The following YAP1 variants were observed in gnomAD, a reference collection of about 807,000 sequenced individuals.
YAP1 encodes the protein transcriptional coactivator YAP1.
YAP1 carries 5 observed loss-of-function variants against 56.9 expected under a neutral mutation model. The observed-to-expected ratio is 0.09, with a 90% CI of 0.05 to 0.18. The LOEUF (loss-of-function observed/expected upper bound fraction) is 0.18, where lower values mean the gene tolerates loss of function less well. YAP1 is among the 10% of genes least tolerant of loss of function. The pLI is 1.00. For missense variants in YAP1, 539 were observed against 651.8 expected (o/e 0.83, Z 1.88); for synonymous variants, 265 against 248.1 (o/e 1.07, Z -0.64).
intron 3 of YAP1, among the ~76,000 whole-genome samples, chr11:102,177,682 A>G (rs937157912): frequency 2.6e-5 from 4 of 151,886 alleles, no homozygotes; most frequent in Non-Finnish European, 5.9e-5. Context: ...TCTCAAAAAA[A>G]AAAAAAAAAA....
Position 102,114,272 on chromosome 11 carries a change from C to A in YAP1, c.450C>A (p.Gly150=). ...GTLTPTGVVS[G]PAATPTAQHL... The stretch of plus-strand genomic sequence containing the variant: ...TGACCCCCACTGGAGTAGTCTCTGG[C>A]CCAGCAGCTACACCCACAGCTCAGC... Residue 150 remains glycine, a synonymous_variant, in exon 2 of 9, where the codon GGC becomes GGA. Coordinates refer to ENST00000282441, the MANE Select transcript of YAP1 (RefSeq NM_001130145.3). 1 of 1,614,168 alleles carries A rather than the reference C, an allele frequency of 6.2e-7. No individual in the cohort carries two copies. Among genetic ancestry groups the A allele is most frequent in the East Asian group, 2.2e-5 (1 of 44,888 alleles).
intron 5 of YAP1, among the ~76,000 whole-genome samples, chr11:102,207,855 G>T (rs1949200651): frequency 6.6e-6 from 1 of 152,188 alleles, no homozygotes; most frequent in African/African-American, 2.4e-5. Context: ...ACGATGTCAG[G>T]AACTTGTTGG....
intron 2 of YAP1, among the ~76,000 whole-genome samples, chr11:102,127,880 G>C (rs1272152149): frequency 6.6e-6 from 1 of 152,172 alleles, no homozygotes; most frequent in Non-Finnish European, 1.5e-5. Flanking sequence ...GGAGTCACAG[G>C]AGATCATTTT....
At chr11:102,135,909 T>G (rs531106721) in intron 2 of YAP1, among the ~76,000 whole-genome samples, 1 of 152,368 alleles carries the variant, frequency 6.6e-6, no homozygotes, top group South Asian at 2.1e-4. Flanking sequence ...TATATTTTCA[T>G]AGCTGTGTGG....
At chr11:102,221,053 A>G (rs1306995231) in intron 6 of YAP1, among the ~76,000 whole-genome samples, 4 of 152,140 alleles carry the variant, frequency 2.6e-5, no homozygotes, top group East Asian at 3.8e-4. Flanking sequence ...TGGAGTGGAG[A>G]TGAAGGTCAC....
chr11:102,228,527 C>T (rs1487443001), intron 8 of YAP1, among the ~76,000 whole-genome samples: 1 of 147,902 alleles, frequency 6.8e-6, no homozygotes, highest in Non-Finnish European at 1.5e-5. Flanking sequence ...CCCAGCTACT[C>T]GGGAGACTGA....
intron 4 of YAP1, among the ~76,000 whole-genome samples, chr11:102,202,690 C>T (rs1948933551): frequency 1.3e-5 from 2 of 152,148 alleles, no homozygotes; most frequent in African/African-American, 4.8e-5. Context: ...ATGATACCAT[C>T]ATTTTGTAAC....
chr11:102,203,254 C>T (rs1238255700), intron 4 of YAP1, among the ~76,000 whole-genome samples: 3 of 152,120 alleles, frequency 2.0e-5, no homozygotes, highest in Non-Finnish European at 4.4e-5. Flanking sequence ...AACCACAGAA[C>T]CATGTTATTA....
chr11:102,178,161 G>C (rs547603187), intron 3 of YAP1, among the ~76,000 whole-genome samples: 20 of 152,278 alleles, frequency 1.3e-4, no homozygotes, highest in African/African-American at 4.3e-4. Flanking sequence ...CGTGTACATA[G>C]TAAGAACAGT....
intron 2 of YAP1, among the ~76,000 whole-genome samples, chr11:102,135,727 G>A (rs964078522): frequency 6.6e-6 from 1 of 152,082 alleles, no homozygotes; most frequent in Non-Finnish European, 1.5e-5. Context: ...TTCAATGGGA[G>A]GAATAGTAAA....
chr11:102,208,775 A>G (rs1949247992), intron 5 of YAP1, among the ~76,000 whole-genome samples: 1 of 152,222 alleles, frequency 6.6e-6, no homozygotes, highest in Non-Finnish European at 1.5e-5. Context: ...AGAAACTAAA[A>G]AAAAAGTTCT....
chr11:102,216,761 T>C (rs1189579138), intron 6 of YAP1, among the ~76,000 whole-genome samples: 1 of 152,236 alleles, frequency 6.6e-6, no homozygotes, highest in Non-Finnish European at 1.5e-5. Flanking sequence ...TTTGTTAAAC[T>C]TCTGTTTTCC....
At chr11:102,196,613 T>C (rs1414695094) in intron 4 of YAP1, among the ~76,000 whole-genome samples, 1 of 151,410 alleles carries the variant, frequency 6.6e-6, no homozygotes, top group Non-Finnish European at 1.5e-5. Context: ...TTTGTTTGTT[T>C]TTGTTTTTGT....
At chr11:102,115,991 C>G (rs1265794485) in intron 2 of YAP1, among the ~76,000 whole-genome samples, 1 of 152,188 alleles carries the variant, frequency 6.6e-6, no homozygotes, top group Non-Finnish European at 1.5e-5. Context: ...CATTTATGCT[C>G]TTCTTCTTAG....
intron 7 of YAP1, among the ~76,000 whole-genome samples, 173 bp downstream of exon 7, chr11:102,223,925 C>G (rs949248561): frequency 2.6e-5 from 4 of 152,192 alleles, no homozygotes; most frequent in African/African-American, 4.8e-5. Context: ...TAAAAGTTGT[C>G]TCCTGTGAGA....
intron 3 of YAP1, among the ~76,000 whole-genome samples, chr11:102,182,692 A>T (rs1223187483): frequency 6.6e-6 from 1 of 152,170 alleles, no homozygotes; most frequent in Non-Finnish European, 1.5e-5. Context: ...TATGACAAAG[A>T]TAGTGTGGTG....
chr11:102,210,844 C>A (rs1949371623), intron 6 of YAP1, among the ~76,000 whole-genome samples: 1 of 151,444 alleles, frequency 6.6e-6, no homozygotes, highest in African/African-American at 2.4e-5. Flanking sequence ...GCTCCGCCTT[C>A]CGGGTTCACA....
chr11:102,121,585 C>T (rs1162743918), intron 2 of YAP1, among the ~76,000 whole-genome samples: 1 of 152,128 alleles, frequency 6.6e-6, no homozygotes, highest in Non-Finnish European at 1.5e-5. Flanking sequence ...ACTGTCTATG[C>T]TACCTCCCAT....
intron 1 of YAP1, chr11:102,112,752 T>C (rs1360852563): frequency 1.0e-6 from 1 of 985,258 alleles, no homozygotes; most frequent in Non-Finnish European, 1.2e-6. Flanking sequence ...TTAGGTATGC[T>C]TTTTTCTCTT....
Sources: allele counts gnomAD v4.1 joint callset (sites outside exome capture counted in the v4.1 genomes callset), GRCh38; gene constraint gnomAD v4.1.1; transcripts MANE v1.5; gene names NCBI Gene and HGNC (gene_info 2026-07-23, HGNC 2026-07-21).